The following ZNF398 variants were observed in gnomAD, a reference collection of about 807,000 sequenced individuals.
The protein encoded by ZNF398 is zinc finger DNA binding protein ZER6.
ZNF398 carries 18 observed loss-of-function variants against 41.9 expected under a neutral mutation model. The observed-to-expected ratio is 0.43, with a 90% CI of 0.30 to 0.64. The LOEUF (loss-of-function observed/expected upper bound fraction) is 0.64, where lower values mean the gene tolerates loss of function less well. Among genes scored for constraint, ZNF398 ranks in the 30% least tolerant of loss-of-function variants. The probability of loss-of-function intolerance (pLI) is 0.14; values close to 1 mark genes in which losing one functional copy is unlikely to be tolerated. For synonymous variants in ZNF398, 260 were observed against 308.8 expected (o/e 0.84, Z 1.66); for missense variants, 669 against 822.8 (o/e 0.81, Z 2.29).
chr7:149,160,171 A>G (rs141789741), intron 2 of ZNF398, among the ~76,000 whole-genome samples: 1,695 of 151,972 alleles, frequency 0.011, 27 homozygotes, highest in African/African-American at 0.037. Context: ...AGGCGCGGTG[A>G]CTCACGCCTG....
intron 5 of ZNF398, 71 bp from the exon 6 acceptor site, chr7:149,178,577 G>C (rs1795518894): frequency 7.7e-7 from 1 of 1,302,018 alleles, no homozygotes. Flanking sequence ...TGTTAGAGCT[G>C]GGTAGGAATG....
Position 149,171,696 on chromosome 7 carries a change from G to A in ZNF398, c.661+4766G>A, listed in dbSNP as rs550987017. On this transcript the variant is annotated intron_variant, in intron 4 of 5. Transcript: ENST00000475153. ...TTTTATTATTTATTTATTTTGAGAT[G>A]GAATCTTGCTCTGTAGCCCAGGCTG... Among the ~76,000 whole-genome samples the A allele has an allele frequency of 9.3e-4, 141 of 151,732 alleles. 1 individual carries two copies. Among genetic ancestry groups the A allele is most frequent in the African/African-American group, 3.1e-3 (130 of 41,340 alleles).
At chr7:149,167,858 G>A (rs1428851769) in intron 4 of ZNF398, among the ~76,000 whole-genome samples, 3 of 151,848 alleles carry the variant, frequency 2.0e-5, no homozygotes, top group East Asian at 1.9e-4. Flanking sequence ...TGATCCACCC[G>A]CCTCGGCCTC....
At chr7:149,128,514 AG>A (rs1274817480) in intron 1 of ZNF398, among the ~76,000 whole-genome samples, 3 of 152,058 alleles carry the variant, frequency 2.0e-5, no homozygotes. Context: ...TGGGAGGCTG[AG>A]GCAGTAGGAT....
intron 2 of ZNF398, among the ~76,000 whole-genome samples, chr7:149,137,158 T>C (rs1585504066): frequency 1.3e-5 from 2 of 152,210 alleles, no homozygotes; most frequent in East Asian, 1.9e-4. Context: ...TGAGCCACCA[T>C]GCCCGGCCCA....
intron 2 of ZNF398, among the ~76,000 whole-genome samples, chr7:149,162,154 TG>T (rs1187214069): frequency 6.6e-6 from 1 of 152,044 alleles, no homozygotes; most frequent in African/African-American, 2.4e-5. Flanking sequence ...CCCGAGTGGC[TG>T]GGACTACAGG....
chr7:149,137,190 G>C, intron 2 of ZNF398, among the ~76,000 whole-genome samples: 1 of 151,938 alleles, frequency 6.6e-6, no homozygotes, highest in East Asian at 1.9e-4. Flanking sequence ...TTACACCTCT[G>C]TAAAAAGTCA....
chr7:149,163,325 C>T (rs1434287305), intron 2 of ZNF398, among the ~76,000 whole-genome samples: 1 of 151,928 alleles, frequency 6.6e-6, no homozygotes, highest in Non-Finnish European at 1.5e-5. Context: ...CTGCCTCAGC[C>T]TCTTGAGTAG....
rs71192757 is a variant in ZNF398 at position 149,128,780 on chromosome 7, T to TAAAATAAAATAAAATAAAATAAAATAA, written c.-611-43_-611-42insAAAATAAAATAAAATAAAATAAAATAA. 4.3e-3 allele frequency: 614 copies of TAAAATAAAATAAAATAAAATAAAATAA among 143,416 alleles called. 11 individuals are homozygous for TAAAATAAAATAAAATAAAATAAAATAA. The highest frequency in any genetic ancestry group is 0.015 in the African/African-American group (568 of 37,808). The allele number at this position is 143,416 out of a possible 1,614,324, so 8.9% of individuals were successfully genotyped here. A position where few individuals can be genotyped will look rare whatever the true frequency, so the allele number is the denominator to read the frequency against. ...AAAAATAAAATAAAATAAAATAAAATTATATATATATATATATTGTTTGTT... is the reference window on the plus strand; with the variant it reads ...AAAAATAAAATAAAATAAAATAAAATAAAATAAAATAAAATAAAATAAAATAATATATATATATATATATTGTTTGTT... On this transcript the variant is annotated intron_variant, in intron 1 of 6. Coordinates refer to the ZNF398 transcript ENST00000426851.
intron 1 of ZNF398, among the ~76,000 whole-genome samples, chr7:149,150,712 C>T (rs1415296389): frequency 1.4e-5 from 2 of 143,208 alleles, no homozygotes; most frequent in Non-Finnish European, 1.5e-5. Flanking sequence ...CGCGCCCCCC[C>T]GCCTCCCCTC....
chr7:149,161,643 C>T (rs1795106289), intron 2 of ZNF398, among the ~76,000 whole-genome samples: 1 of 152,100 alleles, frequency 6.6e-6, no homozygotes, highest in African/African-American at 2.4e-5. Flanking sequence ...TACAAGCATA[C>T]AAGGTGGCAG....
upstream of ZNF398, among the ~76,000 whole-genome samples, chr7:149,146,887 G>C (rs1217881820): frequency 6.6e-6 from 1 of 151,936 alleles, no homozygotes; most frequent in Admixed American, 6.6e-5. Context: ...CCTATTTCCA[G>C]ACCAGGCCCC....
intron 2 of ZNF398, among the ~76,000 whole-genome samples, chr7:149,162,723 A>C (rs1795136845): frequency 6.6e-6 from 1 of 152,166 alleles, no homozygotes; most frequent in Non-Finnish European, 1.5e-5. Context: ...GAGTAGAGGA[A>C]CTTGTTTGAG....
intron 2 of ZNF398, among the ~76,000 whole-genome samples, chr7:149,155,138 T>C (rs1028697374): frequency 1.3e-5 from 2 of 151,270 alleles, no homozygotes; most frequent in African/African-American, 4.9e-5. Context: ...AATACAAAAA[T>C]TGGCCAGGTG....
upstream of ZNF398, among the ~76,000 whole-genome samples, chr7:149,144,572 G>A (rs1338855207): frequency 1.3e-5 from 2 of 151,764 alleles, no homozygotes; most frequent in Non-Finnish European, 2.9e-5. Flanking sequence ...GCCTCCCACT[G>A]TGCTCGGCTA....
At chr7:149,172,934 A>G (rs6944096) in intron 4 of ZNF398, among the ~76,000 whole-genome samples, 78,166 of 151,910 alleles carry the variant, frequency 0.51, 23,718 homozygotes, top group East Asian at 0.9. Flanking sequence ...AAAACAATGT[A>G]CATACCTTAA....
intron 2 of ZNF398, among the ~76,000 whole-genome samples, chr7:149,137,150 A>G (rs1826731839): frequency 6.6e-6 from 1 of 151,998 alleles, no homozygotes; most frequent in South Asian, 2.1e-4. Flanking sequence ...TACAGGTGTG[A>G]GCCACCATGC....
chr7:149,147,164 G>C (rs1826963494), upstream of ZNF398: 1 of 152,260 alleles, frequency 6.6e-6, no homozygotes. The surrounding 1 kb of genome is among the most constrained non-coding windows in gnomAD (Gnocchi z 5.6). Flanking sequence ...GCCTGCAGAC[G>C]GCGCCTGCGT....
chr7:149,135,254 G>A (rs1025690355), intron 2 of ZNF398, among the ~76,000 whole-genome samples: 6 of 151,724 alleles, frequency 4.0e-5, no homozygotes, highest in Admixed American at 2.6e-4. Flanking sequence ...GCCGGGCGTC[G>A]TGGCAGGTGC....
Sources: gnomAD v4.1 joint callset for allele counts (sites outside exome capture counted in the v4.1 genomes callset) on GRCh38, gnomAD v4.1.1 for gene constraint, Gnocchi (gnomAD v3.1) non-coding constraint, MANE v1.5 for transcripts, NCBI Gene and HGNC (gene_info 2026-07-23, HGNC 2026-07-21) for gene names.